The following MAN1A2 variants were observed in gnomAD, a reference collection of about 807,000 sequenced individuals.
MAN1A2 encodes mannosyl-oligosaccharide 1,2-alpha-mannosidase IB.
A neutral mutation model predicts 75.7 loss-of-function variants in MAN1A2; 26 were observed. The observed-to-expected ratio is 0.34, with a 90% CI of 0.25 to 0.48. MAN1A2 has a LOEUF of 0.48. MAN1A2 is among the 20% of genes least tolerant of loss of function. The probability of loss-of-function intolerance (pLI) is 0.99; values close to 1 mark genes in which losing one functional copy is unlikely to be tolerated. For missense variants in MAN1A2, 562 were observed against 775.5 expected, an observed-to-expected ratio of 0.72 and a Z score of 3.27; for synonymous variants, 247 against 264.6, an observed-to-expected ratio of 0.93 and a Z score of 0.65.
intron 1 of MAN1A2, among the ~76,000 whole-genome samples, chr1:117,397,912 A>G (rs886718804): frequency 4.6e-5 from 7 of 151,992 alleles, no homozygotes. Context: ...TTAGCCTCCC[A>G]AAGTGCTGGG....
In MAN1A2 at chr1:117,428,112, TA is replaced by T. The variant is rs751513764; in HGVS notation, c.855+7464del. The stretch of plus-strand genomic sequence containing the variant: ...GTAAATCTCTCTCTCTCTCTCTCTC[TA>T]TTTTTTTTTTTTTGGGGGGGGACCG... On this transcript the variant is annotated intron_variant, in intron 5 of 12. Transcript: ENST00000356554. Among the ~76,000 whole-genome samples the T allele has an allele frequency of 1.3e-3, 191 of 144,154 alleles. 1 individual carries two copies. Among genetic ancestry groups the T allele is most frequent in the East Asian group, 5.2e-3 (26 of 4,964 alleles). 94.6% of individuals were successfully genotyped at this position (144,154 alleles called of 152,430 possible).
intron 8 of MAN1A2, among the ~76,000 whole-genome samples, chr1:117,480,505 C>T (rs1445184472): frequency 6.6e-6 from 1 of 151,742 alleles, no homozygotes; most frequent in African/African-American, 2.4e-5. Context: ...AGGCTAAGCT[C>T]AAGTACCCAT....
chr1:117,502,313 A>G (rs1570796893), intron 11 of MAN1A2, among the ~76,000 whole-genome samples: 1 of 151,730 alleles, frequency 6.6e-6, no homozygotes. Flanking sequence ...TCTTTCTGCC[A>G]GTTGGTACCA....
At chr1:117,424,503 C>T (rs908517516) in intron 5 of MAN1A2, among the ~76,000 whole-genome samples, 3 of 152,318 alleles carry the variant, frequency 2.0e-5, no homozygotes, top group East Asian at 1.9e-4. Context: ...TGCCCTGGAA[C>T]GAAGATAGTT....
chr1:117,375,586 T>C (rs1283507567), intron 1 of MAN1A2, among the ~76,000 whole-genome samples: 1 of 152,222 alleles, frequency 6.6e-6, no homozygotes, highest in African/African-American at 2.4e-5. Flanking sequence ...AAAATATTAG[T>C]CACAATCATT....
intron 1 of MAN1A2, among the ~76,000 whole-genome samples, chr1:117,377,394 C>T (rs775685962): frequency 2.0e-5 from 3 of 152,200 alleles, no homozygotes; most frequent in Non-Finnish European, 2.9e-5. Context: ...ATAGAATTTT[C>T]ATAAAGAGCA....
chr1:117,409,583 A>C (rs1172021383), intron 3 of MAN1A2, among the ~76,000 whole-genome samples: 1 of 152,048 alleles, frequency 6.6e-6, no homozygotes, highest in Non-Finnish European at 1.5e-5. Flanking sequence ...GTTAGATCCC[A>C]TTGGTTAATG....
intron 8 of MAN1A2, among the ~76,000 whole-genome samples, chr1:117,472,198 A>G (rs1013712665): frequency 6.6e-6 from 1 of 151,942 alleles, no homozygotes; most frequent in African/African-American, 2.4e-5. Context: ...CGCCTTCTCT[A>G]TGTCCTCTTA....
At chr1:117,451,981 C>T (rs1364681644) in intron 6 of MAN1A2, among the ~76,000 whole-genome samples, 1 of 151,174 alleles carries the variant, frequency 6.6e-6, no homozygotes, top group Non-Finnish European at 1.5e-5. Context: ...GAGCCAGACC[C>T]TGTCTCAAAA....
intron 8 of MAN1A2, among the ~76,000 whole-genome samples, chr1:117,476,844 C>G (rs922802370): frequency 1.3e-5 from 2 of 152,082 alleles, no homozygotes; most frequent in African/African-American, 4.8e-5. Flanking sequence ...TATATGTGCT[C>G]TTTTTTGGTT....
rs1652069204 is a variant in MAN1A2, at chr1:117,527,903, T to C, written c.*4946T>C. ...TGGGTTATGTGACTCATCTGCTATTTGGCAGCCACTATTCCTTTTTTAGAC... is the reference window on the plus strand; with the variant it reads ...TGGGTTATGTGACTCATCTGCTATTCGGCAGCCACTATTCCTTTTTTAGAC... On this transcript the variant is annotated 3_prime_UTR_variant, in exon 13 of 13. Transcript: ENST00000356554. 6.6e-6 allele frequency: 1 copy of C among 152,082 alleles called. No individual in the cohort carries two copies. Among genetic ancestry groups the C allele is most frequent in the Non-Finnish European group, 1.5e-5 (1 of 67,972 alleles). 9.4% of individuals were successfully genotyped at this position (152,082 alleles called of 1,614,324 possible). A position where few individuals can be genotyped will look rare whatever the true frequency, so the allele number is the denominator to read the frequency against.
intron 1 of MAN1A2, among the ~76,000 whole-genome samples, chr1:117,399,921 G>T (rs1412484156): frequency 1.3e-5 from 2 of 152,164 alleles, no homozygotes; most frequent in African/African-American, 4.8e-5. Flanking sequence ...AGCTGGGAAA[G>T]ACTTGATTAA....
At chr1:117,490,404 T>C (rs921960319) in intron 8 of MAN1A2, among the ~76,000 whole-genome samples, 1 of 152,052 alleles carries the variant, frequency 6.6e-6, no homozygotes, top group Non-Finnish European at 1.5e-5. Flanking sequence ...ATTGTGTTTG[T>C]TTTGGGCAGC....
intron 8 of MAN1A2, among the ~76,000 whole-genome samples, chr1:117,469,465 T>C (rs577548591): frequency 6.6e-6 from 1 of 152,208 alleles, no homozygotes; most frequent in Non-Finnish European, 1.5e-5. Context: ...ATAAATTGGA[T>C]TTGATTAAAA....
At chr1:117,493,035 A>G (rs1650930111) in intron 8 of MAN1A2, 112 bp from the exon 9 acceptor site, 1 of 623,392 alleles carries the variant, frequency 1.6e-6, no homozygotes, top group Non-Finnish European at 2.9e-6. Context: ...TTGTCAATGT[A>G]ATTTTAAAAT....
rs891467408 is a variant in MAN1A2, at chr1:117,527,959, G to T, written c.*5002G>T. The T allele has an allele frequency of 5.3e-5, 8 of 152,048 alleles. No individual in the cohort carries two copies. Among genetic ancestry groups the T allele is most frequent in the African/African-American group, 1.9e-4 (8 of 41,412 alleles). 9.4% of individuals were successfully genotyped at this position (152,048 alleles called of 1,614,324 possible). ...AACGGTACTGCCCCTGTTACCTCTA[G>T]AATAGCCTGAGTCTGAGGAGTGCAG... On this transcript the variant is annotated 3_prime_UTR_variant, in exon 13 of 13. Coordinates refer to ENST00000356554, the MANE Select transcript of MAN1A2 (RefSeq NM_006699.5).
intron 1 of MAN1A2, among the ~76,000 whole-genome samples, chr1:117,385,358 C>G (rs1188031049): frequency 6.6e-6 from 1 of 152,144 alleles, no homozygotes; most frequent in Non-Finnish European, 1.5e-5. Flanking sequence ...TAGGTGAGTT[C>G]CTTGCTAAGT....
chr1:117,522,588 T>TA (rs1651897652), intron 12 of MAN1A2, among the ~76,000 whole-genome samples: 1 of 151,830 alleles, frequency 6.6e-6, no homozygotes, highest in African/African-American at 2.4e-5. Flanking sequence ...GATTTTTTTT[T>TA]AAACTGTTTT....
intron 8 of MAN1A2, among the ~76,000 whole-genome samples, chr1:117,481,437 T>C (rs1570779291): frequency 1.3e-5 from 2 of 152,112 alleles, no homozygotes; most frequent in South Asian, 2.1e-4. Flanking sequence ...CCTCTTACTG[T>C]CCTATAGACT....
Sources: gnomAD v4.1 joint callset for allele counts (sites outside exome capture counted in the v4.1 genomes callset) on GRCh38, gnomAD v4.1.1 for gene constraint, MANE v1.5 for transcripts, NCBI Gene and HGNC (gene_info 2026-07-23, HGNC 2026-07-21) for gene names.